Variants in ADARB2 observed in about 807,000 individuals in gnomAD.
ADARB2 encodes adenosine deaminase RNA specific B2 (inactive), also known as inactive double-stranded RNA-specific editase B2.
ADARB2 carries 25 observed loss-of-function variants against 62.2 expected under a neutral mutation model. The ratio of observed to expected loss-of-function variants is 0.40; its 90% confidence interval spans 0.29 to 0.56. ADARB2 has a LOEUF of 0.56. Ranked by LOEUF, ADARB2 falls within the 20% of genes least tolerant of loss-of-function variation. The probability of loss-of-function intolerance (pLI) is 0.43; values close to 1 mark genes in which losing one functional copy is unlikely to be tolerated. For synonymous variants in ADARB2, 572 were observed against 500.8 expected (o/e 1.14, Z -1.90); for missense variants, 1,071 against 1,077.4 (o/e 0.99, Z 0.08).
intron 1 of ADARB2, among the ~76,000 whole-genome samples, chr10:1,614,239 T>C (rs1484127034): frequency 6.6e-6 from 1 of 152,228 alleles, no homozygotes; most frequent in Non-Finnish European, 1.5e-5. Flanking sequence ...GTTAAAAAAA[T>C]TGATTACATT....
chr10:1,312,033 G>A (rs903267351), intron 3 of ADARB2, among the ~76,000 whole-genome samples: 12 of 152,168 alleles, frequency 7.9e-5, no homozygotes, highest in Non-Finnish European at 1.0e-4. Flanking sequence ...GAGCACTACC[G>A]GAGTAGCATC....
chr10:1,581,166 A>T (rs1833092355), intron 1 of ADARB2, among the ~76,000 whole-genome samples: 1 of 152,352 alleles, frequency 6.6e-6, no homozygotes. Context: ...CAGGGATAGA[A>T]CCTGGTCTGG....
At chr10:1,408,789 C>T (rs1226569895) in intron 1 of ADARB2, among the ~76,000 whole-genome samples, 3 of 152,174 alleles carry the variant, frequency 2.0e-5, no homozygotes, top group East Asian at 1.9e-4. Flanking sequence ...AGAGAGACCA[C>T]GGCCACACAC....
chr10:1,557,880 G>GTTGCGGTGAGCTGAGA (rs535813631), intron 1 of ADARB2, among the ~76,000 whole-genome samples: 35,177 of 151,888 alleles, frequency 0.23, 4,273 homozygotes, highest in African/African-American at 0.26. Flanking sequence ...GTGAGCTGAG[G>GTTGCGGTGAGCTGAGA]TTGCGCCACT....
At chr10:1,531,944 G>A (rs960472925) in intron 1 of ADARB2, among the ~76,000 whole-genome samples, 10 of 152,258 alleles carry the variant, frequency 6.6e-5, no homozygotes, top group Middle Eastern at 3.4e-3. Flanking sequence ...AAGTTCCTCC[G>A]GCATTCTGTG....
intron 1 of ADARB2, among the ~76,000 whole-genome samples, chr10:1,475,117 C>T (rs984515561): frequency 1.3e-5 from 2 of 152,156 alleles, no homozygotes; most frequent in Non-Finnish European, 2.9e-5. Context: ...AACGCGGCGT[C>T]GTCAAGCTCA....
At chr10:1,474,079 G>A (rs1831365322) in intron 1 of ADARB2, among the ~76,000 whole-genome samples, 1 of 152,210 alleles carries the variant, frequency 6.6e-6, no homozygotes, top group South Asian at 2.1e-4. Flanking sequence ...CCATCCCACT[G>A]AGCACCTGCT....
rs537527913 is a variant in ADARB2, at chr10:1,183,033, A to C, written c.*160T>G. The C allele has an allele frequency of 2.9e-4, 243 of 824,600 alleles. No homozygotes were observed. The African/African-American group carries it at 3.9e-3, about 13-fold the overall frequency. 51.1% of individuals were successfully genotyped at this position (824,600 alleles called of 1,614,324 possible). On this transcript the variant is annotated 3_prime_UTR_variant, in exon 10 of 10. Transcript: ENST00000381312. ...GCGATCTGGAAAGAGGCACGTTCTG[A>C]ATTTGTGTTGTTGCTCGTCCAAACA...
intron 1 of ADARB2, among the ~76,000 whole-genome samples, chr10:1,479,733 T>C (rs1271331250): frequency 6.6e-6 from 1 of 152,206 alleles, no homozygotes; most frequent in East Asian, 1.9e-4. Flanking sequence ...ATTTGAGGGA[T>C]TCATTTTACT....
intron 8 of ADARB2, among the ~76,000 whole-genome samples, chr10:1,198,833 T>G (rs1271022280): frequency 2.0e-5 from 3 of 152,266 alleles, no homozygotes; most frequent in Non-Finnish European, 2.9e-5. Context: ...ACTGGGAGAC[T>G]GGCTGCTGAG....
chr10:1,576,069 AGGGTCACAGGAGGGGGC>A (rs1833012730), intron 1 of ADARB2, among the ~76,000 whole-genome samples: 1 of 53,448 alleles, frequency 1.9e-5, no homozygotes, highest in African/African-American at 7.8e-5. Context: ...GAGGGGGCCC[AGGGTCACAGGAGGGGGC>A]TCAGGGCCAC....
intron 3 of ADARB2, among the ~76,000 whole-genome samples, chr10:1,294,369 G>A (rs571733994): frequency 1.3e-5 from 2 of 152,246 alleles, no homozygotes; most frequent in South Asian, 2.1e-4. Context: ...GCGGGGTGAC[G>A]TGGCTCCTCA....
intron 1 of ADARB2, among the ~76,000 whole-genome samples, chr10:1,732,363 TTC>T (rs1835245392): frequency 1.3e-5 from 2 of 151,270 alleles, no homozygotes; most frequent in Admixed American, 1.3e-4. Context: ...CGTAATGCGC[TTC>T]TGAGATGGTT....
rs537201952 is a variant in ADARB2, at chr10:1,244,863, G to A, written c.1193-2564C>T. Among the ~76,000 whole-genome samples the A allele has an allele frequency of 7.9e-5, 12 of 152,260 alleles. No individual in the cohort carries two copies. In the South Asian group the frequency reaches 2.3e-3, roughly 29 times the overall value. On this transcript the variant is annotated intron_variant, in intron 4 of 9. Coordinates refer to ENST00000381312, the MANE Select transcript of ADARB2 (RefSeq NM_018702.4). ...GAGGCACGGATAGGAAAGGGCACAG[G>A]CATATTCTGCATAATCTGCGTATTC... is the stretch of plus-strand genomic sequence containing the variant.
intron 1 of ADARB2, among the ~76,000 whole-genome samples, chr10:1,449,064 T>C (rs1420580791): frequency 1.3e-5 from 2 of 152,200 alleles, no homozygotes; most frequent in Admixed American, 1.3e-4. Context: ...GATTCAAGAA[T>C]GAATGGTTGC....
At chr10:1,313,979 T>G (rs1365535493) in intron 3 of ADARB2, among the ~76,000 whole-genome samples, 1 of 152,158 alleles carries the variant, frequency 6.6e-6, no homozygotes, top group Admixed American at 6.5e-5. Flanking sequence ...CTTGGAACAT[T>G]CTGCAGGGCA....
At chr10:1,632,112 T>A (rs2119045478) in intron 1 of ADARB2, among the ~76,000 whole-genome samples, 1 of 152,376 alleles carries the variant, frequency 6.6e-6, no homozygotes, top group Non-Finnish European at 1.5e-5. Flanking sequence ...ATATTTAAGC[T>A]GTTCCTAGGG....
intron 1 of ADARB2, among the ~76,000 whole-genome samples, chr10:1,415,491 T>G (rs927027441): frequency 3.9e-5 from 2 of 51,202 alleles, no homozygotes; most frequent in African/African-American, 8.9e-5. Flanking sequence ...GATACATGAG[T>G]TGGCCAGATA....
chr10:1,602,065 C>A (rs1034983349), intron 1 of ADARB2, among the ~76,000 whole-genome samples: 1 of 152,126 alleles, frequency 6.6e-6, no homozygotes, highest in Admixed American at 6.5e-5. Context: ...TGTGTGCAAA[C>A]GGAGCAGGGA....
Sources: gnomAD v4.1 joint callset for allele counts (sites outside exome capture counted in the v4.1 genomes callset) on GRCh38, gnomAD v4.1.1 for gene constraint, MANE v1.5 for transcripts, NCBI Gene and HGNC (gene_info 2026-07-23, HGNC 2026-07-21) for gene names.